The following LRRK1 variants were observed in gnomAD, a reference collection of about 807,000 sequenced individuals.
LRRK1 encodes the protein leucine-rich repeat serine/threonine-protein kinase 1.
Under a neutral mutation model 209.1 loss-of-function variants are expected in LRRK1, and 113 were observed. The observed-to-expected ratio is 0.54, with a 90% CI of 0.46 to 0.63. The LOEUF (loss-of-function observed/expected upper bound fraction) is 0.63, where lower values mean the gene tolerates loss of function less well. Ranked by LOEUF, LRRK1 falls within the 30% of genes least tolerant of loss-of-function variation. The pLI is 0.00. For synonymous variants in LRRK1, 1,144 were observed against 1,099.7 expected (o/e 1.04, Z -0.80); for missense variants, 2,284 against 2,632.2 (o/e 0.87, Z 2.89).
At chr15:101,067,894 C>T (rs1193760998) in intron 33 of LRRK1, among the ~76,000 whole-genome samples, 1 of 152,240 alleles carries the variant, frequency 6.6e-6, no homozygotes, top group Admixed American at 6.5e-5. Flanking sequence ...TCCTATTCAT[C>T]CCTAAAGCCA....
Position 101,065,422 on chromosome 15 carries a change from C to G in LRRK1, c.4985C>G (p.Pro1662Arg). The G allele has an allele frequency of 6.2e-7, 1 of 1,614,162 alleles. No homozygotes were observed. The highest frequency in any genetic ancestry group is 8.5e-7 in the Non-Finnish European group (1 of 1,180,046). The change falls in exon 32 of 34, where the codon CCA (proline) becomes CGA (arginine). Residue 1662 changes from proline to arginine, a missense_variant. Physicochemically the swap from Pro to Arg is moderately radical, Grantham distance 103. Around this residue, in one of 6 missense-constraint regions of LRRK1, gnomAD observed 643 missense variants for 695.9 expected, o/e 0.92. Coordinates refer to ENST00000388948, the MANE Select transcript of LRRK1 (RefSeq NM_024652.6). ...VAVFPVVRGTPKDSCSYLCSH... is the reference protein window; with the variant it reads ...VAVFPVVRGTRKDSCSYLCSH... ...GTGTTTCCCGTGGTGCGGGGCACCC[C>G]AAAGGACAGCTGCTCCTACCTGTGC...
chr15:101,034,885 G>A (rs1034880845), intron 20 of LRRK1, among the ~76,000 whole-genome samples: 9 of 151,364 alleles, frequency 5.9e-5, no homozygotes, highest in African/African-American at 1.9e-4. Context: ...TTAACATATA[G>A]TTCTTCATAG....
rs1241637728 is a variant in LRRK1 at position 101,008,956 on chromosome 15, C to T, written c.882C>T (p.Pro294=). 1 of 1,614,178 alleles carries T rather than the reference C, an allele frequency of 6.2e-7. No homozygotes were observed. Reference sequence around the variant, plus strand: ...CTGCCAACTGCCTGGCGACCCTCCCCTCGGTTATCCCCTGGGGCCTCATCA... The same window carrying T: ...CTGCCAACTGCCTGGCGACCCTCCCTTCGGTTATCCCCTGGGGCCTCATCA... ...DLSANCLATL[P]SVIPWGLINL... Residue 294 remains proline, a synonymous_variant, in exon 7 of 34, where the codon CCC becomes CCT. Coordinates refer to ENST00000388948, the MANE Select transcript of LRRK1 (RefSeq NM_024652.6).
chr15:100,975,430 A>G lies in LRRK1; in HGVS notation c.261+1463A>G, dbSNP rs188409486. Among the ~76,000 whole-genome samples, 1,191 of 152,342 alleles carry G rather than the reference A, an allele frequency of 7.8e-3. 17 individuals carry two copies. The highest frequency in any genetic ancestry group is 0.028 in the African/African-American group (1,144 of 41,570). ...GCAGTGGCATCATAATTTGGCAAAG[A>G]GCACTCTGGCCCATATTTGAATAAA... On this transcript the variant is annotated intron_variant, in intron 3 of 33. Coordinates refer to ENST00000388948, the MANE Select transcript of LRRK1 (RefSeq NM_024652.6).
At chr15:101,019,560 G>C (rs1401881266) in intron 12 of LRRK1, among the ~76,000 whole-genome samples, 1 of 152,006 alleles carries the variant, frequency 6.6e-6, no homozygotes, top group Non-Finnish European at 1.5e-5. Context: ...GGCTCTCCCT[G>C]AATGTTCTCA....
chr15:101,065,732 C>T lies in LRRK1; in HGVS notation c.5295C>T (p.His1765=), dbSNP rs2036492526. The part of the protein sequence containing the change: ...DDKANSLVMY[H]STTYQLCARY... Reference sequence around the variant, plus strand: ...AGGCCAACTCCTTGGTGATGTACCACTCCACCACCTACCAGCTGTGTGCCC... The same window carrying T: ...AGGCCAACTCCTTGGTGATGTACCATTCCACCACCTACCAGCTGTGTGCCC... The change falls in exon 32 of 34, where the codon CAC becomes CAT. Residue 1765 remains histidine, a synonymous_variant. Coordinates refer to ENST00000388948, the MANE Select transcript of LRRK1 (RefSeq NM_024652.6). 5 of 1,614,166 alleles carry T rather than the reference C, an allele frequency of 3.1e-6. No individual in the cohort carries two copies. Among genetic ancestry groups the T allele is most frequent in the Non-Finnish European group, 4.2e-6 (5 of 1,180,024 alleles).
At position 101,021,920 on chromosome 15, in the gene LRRK1, G is replaced by A. The variant is rs751878178; in HGVS notation, c.1815G>A (p.Leu605=). The A allele has an allele frequency of 6.2e-6, 10 of 1,613,910 alleles. No individual in the cohort carries two copies. Among genetic ancestry groups the A allele is most frequent in the South Asian group, 1.1e-5 (1 of 91,070 alleles). The change falls in exon 14 of 34, where the codon CTG becomes CTA. Residue 605 remains leucine, a synonymous_variant. Transcript: ENST00000388948. ...TCTGGCAGCTGGACACTGAAGACCT[G>A]ACCATCAGCAATGTGCCTGCAGAAA... ...GNLWQLDTED[L]TISNVPAEIQ... is the part of the protein sequence containing the mutation.
intron 10 of LRRK1, among the ~76,000 whole-genome samples, chr15:101,012,861 T>G (rs1233858483): frequency 6.6e-6 from 1 of 152,124 alleles, no homozygotes; most frequent in Non-Finnish European, 1.5e-5. Context: ...GGGACAGGAC[T>G]CACGCTTCTC....
At chr15:101,015,511 C>T in intron 12 of LRRK1, 109 bp downstream of exon 12, 2 of 742,202 alleles carry the variant, frequency 2.7e-6, no homozygotes, top group Admixed American at 2.6e-5. Flanking sequence ...CCCTTCAATG[C>T]CCTGTTGCAA....
At position 101,067,457 on chromosome 15, in the gene LRRK1, G is replaced by A; in HGVS notation, c.5870+716G>A. On this transcript the variant is annotated intron_variant, in intron 33 of 33. Transcript: ENST00000388948. ...TGTGTGTGTGTGTGTGTGTGTGTGT[G>A]TGTGTGTACTTTGGAGCTCTTCCAT... is the stretch of plus-strand genomic sequence containing the variant. 7.7e-6 allele frequency: 2 copies of A among 260,248 alleles called. 1 individual carries two copies. The allele number at this position is 260,248 out of a possible 1,614,324, so 16.1% of individuals were successfully genotyped here. A position where few individuals can be genotyped will look rare whatever the true frequency, so the allele number is the denominator to read the frequency against.
intron 2 of LRRK1, among the ~76,000 whole-genome samples, chr15:100,943,527 C>T (rs766111723): frequency 1.2e-4 from 19 of 152,028 alleles, no homozygotes; most frequent in African/African-American, 3.9e-4. Context: ...TTTAAATAAA[C>T]AAGCAGTAGC....
intron 12 of LRRK1, among the ~76,000 whole-genome samples, chr15:101,019,507 G>C (rs1486079567): frequency 6.6e-6 from 1 of 152,144 alleles, no homozygotes; most frequent in Non-Finnish European, 1.5e-5. Flanking sequence ...AGTACAGCTA[G>C]CTGGGCAGAT....
intron 20 of LRRK1, among the ~76,000 whole-genome samples, chr15:101,031,512 G>C (rs2034282008): frequency 6.6e-6 from 1 of 152,204 alleles, no homozygotes; most frequent in Non-Finnish European, 1.5e-5. Context: ...CTCAGCTCTT[G>C]ATAGGCATTT....
rs1345169860 is a variant in LRRK1, at chr15:101,058,089, T to C, written c.4627T>C (p.Ser1543Pro). The C allele has an allele frequency of 6.2e-7, 1 of 1,613,988 alleles. No individual in the cohort carries two copies. The highest frequency in any genetic ancestry group is 8.5e-7 in the Non-Finnish European group (1 of 1,180,030). The change falls in exon 29 of 34, where the codon TCC becomes CCC. Residue 1543 changes from serine to proline, a missense_variant. Around this residue, in one of 6 missense-constraint regions of LRRK1, gnomAD observed 643 missense variants for 695.9 expected, o/e 0.92. Coordinates refer to ENST00000388948, the MANE Select transcript of LRRK1 (RefSeq NM_024652.6). ...TGGGAAGCAGACAGCCTTCTTCTCA[T>C]CCCAGGGCCAGGAGTACACCGTGGT... ...CCGKQTAFFS[S>P]QGQEYTVVFW...
At chr15:101,052,492 C>G (rs559293327) in intron 24 of LRRK1, among the ~76,000 whole-genome samples, 1 of 152,174 alleles carries the variant, frequency 6.6e-6, no homozygotes, top group South Asian at 2.1e-4. Context: ...GTCTGTAGCC[C>G]TAGCGCTGAG....
intron 2 of LRRK1, among the ~76,000 whole-genome samples, chr15:100,965,680 A>G (rs2030405250): frequency 6.6e-6 from 1 of 152,002 alleles, no homozygotes; most frequent in Admixed American, 6.6e-5. Flanking sequence ...AAATCAAACT[A>G]GCAACACCAA....
chr15:100,999,093 G>A (rs1380960668), intron 6 of LRRK1, among the ~76,000 whole-genome samples: 1 of 152,216 alleles, frequency 6.6e-6, no homozygotes. Context: ...TCTCTCGAAA[G>A]CAAGTTAAGT....
intron 2 of LRRK1, among the ~76,000 whole-genome samples, chr15:100,973,390 ACCCCCGGGAGGTGGCCTGTCTTT>A (rs1432477490): frequency 2.0e-5 from 3 of 151,820 alleles, no homozygotes; most frequent in Admixed American, 2.0e-4. Context: ...GGATGTCCAC[ACCCCCGGGAGGTGGCCTGTCTTT>A]CCCCCGTGGG....
chr15:100,983,066 G>A (rs574246996), intron 3 of LRRK1, among the ~76,000 whole-genome samples: 1 of 152,140 alleles, frequency 6.6e-6, no homozygotes, highest in African/African-American at 2.4e-5. Flanking sequence ...TCCCAGCTAC[G>A]CAGGAAGCTG....
Sources: gnomAD v4.1 joint callset for allele counts (sites outside exome capture counted in the v4.1 genomes callset) on GRCh38, gnomAD v4.1.1 for gene constraint, gnomAD v4.1.1 regional missense constraint, MANE v1.5 for transcripts, NCBI Gene and HGNC (gene_info 2026-07-23, HGNC 2026-07-21) for gene names.